The following WDR86 variants were observed in gnomAD, a reference collection of about 807,000 sequenced individuals.
WDR86 encodes WD repeat-containing protein 86.
In WDR86, 30 loss-of-function variants were observed where a neutral mutation model predicts 36.5. The ratio of observed to expected loss-of-function variants is 0.82; its 90% CI spans 0.61 to 1.11. The LOEUF (loss-of-function observed/expected upper bound fraction) is 1.11. WDR86 is among the 50% of genes most tolerant of loss of function. WDR86 has a pLI of 0.00. For synonymous variants in WDR86, 255 were observed against 252.9 expected (o/e 1.01, Z -0.08); for missense variants, 545 against 561.2 (o/e 0.97, Z 0.29).
chr7:151,409,158 T>C lies in WDR86; in HGVS notation c.163+269A>G. The C allele has an allele frequency of 1.5e-6, 1 of 663,980 alleles. No homozygotes were observed. Among genetic ancestry groups the C allele is most frequent in the Non-Finnish European group, 2.8e-6 (1 of 357,314 alleles). The allele number at this position is 663,980 out of a possible 1,614,324, so 41.1% of individuals were successfully genotyped here. On this transcript the variant is annotated intron_variant, in intron 1 of 5. Coordinates refer to ENST00000334493, the MANE Select transcript of WDR86 (RefSeq NM_198285.3). This position sits in a 1 kb window ranked among gnomAD's most constrained non-coding sequence, Gnocchi z 5.2. ...CCTGCCGCTGGTTGACAAATGATCT[T>C]CGCCTTTGTAGCGGACGCCCCTCGA...
downstream of WDR86, among the ~76,000 whole-genome samples, chr7:151,380,130 C>T (rs1798480850): frequency 6.6e-6 from 1 of 152,194 alleles, no homozygotes; most frequent in Admixed American, 6.5e-5. Flanking sequence ...GCGGGTTCTC[C>T]TGCACCGATC....
downstream of WDR86, among the ~76,000 whole-genome samples, chr7:151,371,289 A>G (rs1797943735): frequency 6.6e-6 from 1 of 152,194 alleles, no homozygotes; most frequent in Non-Finnish European, 1.5e-5. Context: ...GAAGTAGGAT[A>G]GGTCTCAGGG....
At chr7:151,372,730 G>A (rs921084134), downstream of WDR86, among the ~76,000 whole-genome samples, 3 of 152,138 alleles carry the variant, frequency 2.0e-5, no homozygotes, top group African/African-American at 7.2e-5. Context: ...GTGGTCAGGA[G>A]CTGCTGCGGG....
chr7:151,392,772 C>T (rs1799527723), intron 3 of WDR86, among the ~76,000 whole-genome samples: 1 of 152,206 alleles, frequency 6.6e-6, no homozygotes, highest in Non-Finnish European at 1.5e-5. Context: ...CTTGCCCTCC[C>T]TCTTGCCTTC....
At chr7:151,377,269 T>G, downstream of WDR86, 1 of 1,330,836 alleles carries the variant, frequency 7.5e-7, no homozygotes, top group Non-Finnish European at 1.0e-6. Flanking sequence ...ATAAATGCTA[T>G]CATTATGAAA....
At chr7:151,376,362 T>C (rs557873432), downstream of WDR86, 4 of 503,954 alleles carry the variant, frequency 7.9e-6, no homozygotes, top group Non-Finnish European at 1.1e-5. Context: ...GCGGTGCTCG[T>C]GGTGAGGCTG....
At chr7:151,395,750 C>A in intron 3 of WDR86, 26 bp downstream of exon 3, 1 of 1,526,242 alleles carries the variant, frequency 6.6e-7, no homozygotes, top group Non-Finnish European at 8.8e-7. Context: ...CCCCTGGCTG[C>A]TGGGCGGGGA....
chr7:151,392,631 A>C (rs868179006), intron 3 of WDR86, among the ~76,000 whole-genome samples: 18 of 152,188 alleles, frequency 1.2e-4, no homozygotes, highest in Non-Finnish European at 2.1e-4. Context: ...AGAGGAGGCA[A>C]ACTCCACCCC....
At chr7:151,376,931 C>G (rs967255870), downstream of WDR86, 15 of 1,404,784 alleles carry the variant, frequency 1.1e-5, no homozygotes, top group Non-Finnish European at 1.2e-5. Context: ...GTCACCGGGC[C>G]GGCCACCTGG....
chr7:151,375,783 C>A, downstream of WDR86: 2 of 1,064,476 alleles, frequency 1.9e-6, no homozygotes, highest in Non-Finnish European at 2.9e-6. Flanking sequence ...TGGCAGGGTG[C>A]AGCGCCTGTC....
rs767757447 is a variant in WDR86, at chr7:151,395,892, G to C, written c.610C>G (p.Pro204Ala). Residue 204 changes from proline to alanine, a missense_variant, in exon 3 of 6, where the codon CCC becomes GCC. By Grantham distance (27) the Pro-to-Ala change is conservative. Coordinates refer to ENST00000334493, the MANE Select transcript of WDR86 (RefSeq NM_198285.3). ...CTGCCTGTGAAGGCCGTGTGGCCGG[G>C]CGTGTCTAGCACTAGGCACAGCACT... The part of the protein sequence containing the change: ...GAVLCLVLDT[P>A]GHTAFTGSTD... 1 of 1,602,478 alleles carries C rather than the reference G, an allele frequency of 6.2e-7. No individual in the cohort carries two copies. The highest frequency in any genetic ancestry group is 8.5e-7 in the Non-Finnish European group (1 of 1,176,906).
rs187880956 is a variant in WDR86 at position 151,405,423 on chromosome 7, G to A, written c.163+4004C>T. Among the ~76,000 whole-genome samples, 6 of 152,250 alleles carry A rather than the reference G, an allele frequency of 3.9e-5. No homozygotes were observed. The highest frequency in any genetic ancestry group is 1.2e-4 in the African/African-American group (5 of 41,552). On this transcript the variant is annotated intron_variant, in intron 1 of 5. Coordinates refer to ENST00000334493, the MANE Select transcript of WDR86 (RefSeq NM_198285.3). This position sits in a 1 kb window ranked among gnomAD's most constrained non-coding sequence, Gnocchi z 4.7. The stretch of plus-strand genomic sequence containing the variant: ...TGACAGCCTTGCTGTTCCGAGCCAC[G>A]GCCACTGTGGTTCCCTTATGCTCCA...
downstream of WDR86, among the ~76,000 whole-genome samples, chr7:151,379,428 T>G (rs934772031): frequency 3.3e-5 from 5 of 152,126 alleles, no homozygotes; most frequent in African/African-American, 1.2e-4. Flanking sequence ...CTGTCCTTCC[T>G]CCCTTAGCCA....
In WDR86 at chr7:151,405,959, T is replaced by C. The variant is rs939958003; in HGVS notation, c.163+3468A>G. Among the ~76,000 whole-genome samples, 2 of 152,334 alleles carry C rather than the reference T, an allele frequency of 1.3e-5. No homozygotes were observed. Among genetic ancestry groups the C allele is most frequent in the East Asian group, 3.9e-4 (2 of 5,180 alleles). ...GAACAGGATAGGATAGGTACTACCA[T>C]TTTGGAAAATGTCACTCATCTCATT... is the stretch of plus-strand genomic sequence containing the variant. On this transcript the variant is annotated intron_variant, in intron 1 of 5. Coordinates refer to ENST00000334493, the MANE Select transcript of WDR86 (RefSeq NM_198285.3). The surrounding 1 kb of genome is among the most constrained non-coding windows in gnomAD (Gnocchi z 4.7).
chr7:151,389,443 C>A (rs564720603), intron 3 of WDR86, among the ~76,000 whole-genome samples: 1 of 152,206 alleles, frequency 6.6e-6, no homozygotes, highest in East Asian at 1.9e-4. Context: ...CATCGCCGGG[C>A]GGCTCACTCA....
In WDR86 at chr7:151,388,634, G is replaced by A. The variant is rs1202919622; in HGVS notation, c.727-3411C>T. On this transcript the variant is annotated intron_variant, in intron 3 of 5. Transcript: ENST00000334493. This position sits in a 1 kb window ranked among gnomAD's most constrained non-coding sequence, Gnocchi z 4.2. ...GATCGGTGGCTCAGCCCTGCATGCA[G>A]TCCTGTAAAAGGCGAGGGAGGCAGA... Among the ~76,000 whole-genome samples the A allele has an allele frequency of 6.6e-6, 1 of 152,210 alleles. No homozygotes were observed. Among genetic ancestry groups the A allele is most frequent in the Non-Finnish European group, 1.5e-5 (1 of 68,034 alleles).
intron 3 of WDR86, 140 bp downstream of exon 3, chr7:151,395,636 A>C: frequency 9.5e-7 from 1 of 1,056,758 alleles, no homozygotes; most frequent in South Asian, 1.7e-5. Flanking sequence ...CCAGGACCGC[A>C]AGGCCTCCGT....
chr7:151,383,693 C>T (rs1258317639), intron 4 of WDR86, among the ~76,000 whole-genome samples: 1 of 152,178 alleles, frequency 6.6e-6, no homozygotes, highest in Non-Finnish European at 1.5e-5. Context: ...TCTTTTCAGC[C>T]CCTTTCTGCC....
intron 2 of WDR86, among the ~76,000 whole-genome samples, chr7:151,397,661 ATAGC>A (rs1563059116): frequency 0.06 from 2,885 of 48,428 alleles, 95 homozygotes; most frequent in East Asian, 0.1. Context: ...GAGGAAGGGC[ATAGC>A]GGGAGGAAGA....
Sources: gnomAD v4.1 joint callset for allele counts (sites outside exome capture counted in the v4.1 genomes callset) on GRCh38, gnomAD v4.1.1 for gene constraint, Gnocchi (gnomAD v3.1) non-coding constraint, MANE v1.5 for transcripts, NCBI Gene and HGNC (gene_info 2026-07-23, HGNC 2026-07-21) for gene names.